Variants in HERC2 observed in about 807,000 individuals in gnomAD.
The protein encoded by HERC2 is HECT and RLD domain containing E3 ubiquitin protein ligase 2.
HERC2 carries 102 observed loss-of-function variants against 537.7 expected under a neutral mutation model. The observed-to-expected ratio is 0.19, with a 90% CI of 0.16 to 0.22. HERC2 has a LOEUF of 0.22. Among genes scored for constraint, HERC2 ranks in the 10% least tolerant of loss-of-function variants. HERC2 has a pLI of 1.00. For missense variants in HERC2, 4,236 were observed against 6,198.2 expected (o/e 0.68, Z 10.63); for synonymous variants, 2,224 against 2,466.2 (o/e 0.90, Z 2.91).
intron 2 of HERC2, among the ~76,000 whole-genome samples, chr15:28,319,174 A>T (rs984974304): frequency 6.6e-6 from 1 of 152,246 alleles, no homozygotes; most frequent in Non-Finnish European, 1.5e-5. Context: ...CTGGTGGAAC[A>T]TAAAACAAAG....
rs1338832847 is a variant in HERC2, at chr15:28,256,995, A to G, written c.2517+66T>C. 3.6e-6 allele frequency: 5 copies of G among 1,403,668 alleles called. No homozygotes were observed. The South Asian group carries it at 3.7e-5, about 10-fold the overall frequency. The allele number at this position is 1,403,668 out of a possible 1,614,324, so 87.0% of individuals were successfully genotyped here. A position where few individuals can be genotyped will look rare whatever the true frequency, so the allele number is the denominator to read the frequency against. On this transcript the variant is annotated intron_variant, in intron 17 of 92. Transcript: ENST00000261609. The stretch of plus-strand genomic sequence containing the variant: ...CTAAAACCCATGCCCTTCAAAATAC[A>G]TAAACCTTCTTACAAATCCCTAAGA...
Position 28,177,734 on chromosome 15 carries a change from GA to G in HERC2, c.9164-226del, listed in dbSNP as rs1895432708. ...AAACTACAAATTTTAACTCTAGAAA[GA>G]ATTTGCAAAGAGGCAAAATAATACT... On this transcript the variant is annotated intron_variant, in intron 59 of 92. Coordinates refer to ENST00000261609, the MANE Select transcript of HERC2 (RefSeq NM_004667.6). The surrounding 1 kb of genome is among the most constrained non-coding windows in gnomAD (Gnocchi z 5.0). Among the ~76,000 whole-genome samples, 1 of 152,102 alleles carries G rather than the reference GA, an allele frequency of 6.6e-6. No individual in the cohort carries two copies. Among genetic ancestry groups the G allele is most frequent in the South Asian group, 2.1e-4 (1 of 4,830 alleles).
intron 20 of HERC2, among the ~76,000 whole-genome samples, chr15:28,250,435 G>T (rs1904192364): frequency 6.6e-6 from 1 of 152,134 alleles, no homozygotes; most frequent in Non-Finnish European, 1.5e-5. Context: ...GCAAGAGACG[G>T]TAATACAATA....
chr15:28,167,337 A>G (rs1053173846), intron 68 of HERC2, among the ~76,000 whole-genome samples: 3 of 152,232 alleles, frequency 2.0e-5, no homozygotes, highest in African/African-American at 7.2e-5. Flanking sequence ...GAACTGAAGG[A>G]CTGTTCCACA....
chr15:28,172,377 T>C (rs991434433), intron 65 of HERC2, among the ~76,000 whole-genome samples: 3 of 152,192 alleles, frequency 2.0e-5, no homozygotes, highest in Admixed American at 2.0e-4. Context: ...TTCAGGTCTT[T>C]TATAAAGCTG....
In HERC2 at chr15:28,207,266, C is replaced by G. The variant is rs148744533; in HGVS notation, c.7070-884G>C. Among the ~76,000 whole-genome samples the G allele has an allele frequency of 3.9e-3, 592 of 152,160 alleles. 3 individuals are homozygous for G. The highest frequency in any genetic ancestry group is 6.2e-3 in the Non-Finnish European group (424 of 68,022). On this transcript the variant is annotated intron_variant, in intron 44 of 92. Transcript: ENST00000261609. ...TCTCCTGCATCAGCCTTCCCTGTAG[C>G]TGGGACTACAGGCACACGCCACCAC...
chr15:28,191,474 C>T (rs544898719), intron 53 of HERC2, among the ~76,000 whole-genome samples: 1 of 152,274 alleles, frequency 6.6e-6, no homozygotes, highest in African/African-American at 2.4e-5. Flanking sequence ...TCTATATACT[C>T]CTGGCCTAGG....
chr15:28,154,785 C>G lies in HERC2; in HGVS notation c.10747-1955G>C, dbSNP rs79476584. Among the ~76,000 whole-genome samples the G allele has an allele frequency of 1.1e-4, 16 of 152,142 alleles. No individual in the cohort carries two copies. In the East Asian group the frequency reaches 2.9e-3, roughly 28 times the overall value. On this transcript the variant is annotated intron_variant, in intron 69 of 92. Transcript: ENST00000261609. ...TTTATATATATATTTTTTTATTATA[C>G]TTTAAGTTCTAGGGTACATGTGCAC...
At chr15:28,286,063 C>A (rs1434018741) in intron 4 of HERC2, among the ~76,000 whole-genome samples, 1 of 151,818 alleles carries the variant, frequency 6.6e-6, no homozygotes, top group Non-Finnish European at 1.5e-5. Context: ...AATTACCAGA[C>A]CCAAATGAAC....
chr15:28,190,307 C>T (rs964474700), intron 55 of HERC2: 10 of 152,022 alleles, frequency 6.6e-5, no homozygotes, highest in African/African-American at 2.4e-4. Context: ...GCGTGAGCCA[C>T]CGCGCCCGGC....
rs754591672 is a variant in HERC2, at chr15:28,265,778, C to T, written c.1756+39G>A. The stretch of plus-strand genomic sequence containing the variant: ...GTTACTAAGTCCTGTAAGAGGCCAC[C>T]TCCTGCTGCATGCTCCCACTCATGC... On this transcript the variant is annotated intron_variant, in intron 13 of 92. Transcript: ENST00000261609. The surrounding 1 kb of genome is among the most constrained non-coding windows in gnomAD (Gnocchi z 4.0). 1 of 1,614,136 alleles carries T rather than the reference C, an allele frequency of 6.2e-7. No individual in the cohort carries two copies. The highest frequency in any genetic ancestry group is 8.5e-7 in the Non-Finnish European group (1 of 1,179,986).
At chr15:28,316,845 C>T (rs1204792044) in intron 2 of HERC2, among the ~76,000 whole-genome samples, 2 of 152,194 alleles carry the variant, frequency 1.3e-5, no homozygotes, top group African/African-American at 4.8e-5. Flanking sequence ...GGCGCGATCT[C>T]GGCTCACTAC....
intron 44 of HERC2, 125 bp downstream of exon 44, chr15:28,210,877 G>T (rs539400361): frequency 3.2e-4 from 306 of 964,890 alleles, no homozygotes; most frequent in Non-Finnish European, 4.8e-4. Flanking sequence ...TGCTGGGCAG[G>T]CCACATGTCT....
At position 28,167,744 on chromosome 15, in the gene HERC2, C is replaced by A. The variant is rs781431826; in HGVS notation, c.10497G>T (p.Val3499=). The A allele has an allele frequency of 1.2e-6, 2 of 1,614,166 alleles. No homozygotes were observed. The highest frequency in any genetic ancestry group is 2.2e-5 in the South Asian group (2 of 91,084). ...TGCTTGCGGCTCCCAGGTCATCCGT[C>A]ACTGGGATAAAAGGCCGAGCGGAGG... ...PSASARPFIP[V]TDDLGAASII... is the part of the protein sequence containing the mutation. Residue 3499 remains valine, a synonymous_variant, in exon 68 of 93, where the codon GTG becomes GTT. Coordinates refer to ENST00000261609, the MANE Select transcript of HERC2 (RefSeq NM_004667.6).
At chr15:28,305,178 G>C (rs1384492904) in intron 2 of HERC2, among the ~76,000 whole-genome samples, 1 of 145,702 alleles carries the variant, frequency 6.9e-6, no homozygotes, top group East Asian at 2.0e-4. Context: ...ATAAACATAC[G>C]TGTGCATGTG....
Position 28,174,533 on chromosome 15 carries a change from C to G in HERC2, c.9919G>C (p.Glu3307Gln). 6.2e-7 allele frequency: 1 copy of G among 1,614,012 alleles called. No individual in the cohort carries two copies. Among genetic ancestry groups the G allele is most frequent in the Non-Finnish European group, 8.5e-7 (1 of 1,179,886 alleles). The change falls in exon 65 of 93, where the codon GAA (glutamate) becomes CAA (glutamine). Residue 3307 changes from glutamate to glutamine, a missense_variant. Physicochemically the swap from Glu to Gln is conservative, Grantham distance 29. This residue lies in a region of HERC2 where 93 missense variants were observed against 265.1 expected (regional missense o/e 0.35). Transcript: ENST00000261609. Reference sequence around the variant, plus strand: ...GCCACGCGTGTGATCTTCTGGCCTTCTAAGCCTTGCACGAGTGTGGGCTTC... The same window carrying G: ...GCCACGCGTGTGATCTTCTGGCCTTGTAAGCCTTGCACGAGTGTGGGCTTC... ...NRKPTLVQGL[E>Q]GQKITRVACG...
At chr15:28,316,936 C>T (rs1314599640) in intron 2 of HERC2, among the ~76,000 whole-genome samples, 2 of 151,708 alleles carry the variant, frequency 1.3e-5, no homozygotes, top group African/African-American at 4.8e-5. Context: ...GCCACCACAC[C>T]CAGCTAATTT....
At position 28,280,194 on chromosome 15, in the gene HERC2, C is replaced by T. The variant is rs777222189; in HGVS notation, c.416G>A (p.Arg139Gln). 1.7e-5 allele frequency: 28 copies of T among 1,614,110 alleles called. No homozygotes were observed. Among genetic ancestry groups the T allele is most frequent in the Non-Finnish European group, 2.2e-5 (26 of 1,179,996 alleles). ...CAAGATCACCAGCCTCTGCTTGAGT[C>T]GCAGGGCTGAGAGGGTGGTGGTGGC... ...QSATTTLSAL[R>Q]LKQRLVILER... is the part of the protein sequence containing the mutation. The change falls in exon 5 of 93, where the codon CGA becomes CAA. Residue 139 changes from arginine (R) to glutamine (Q), a missense_variant. Around this residue, in one of 27 missense-constraint regions of HERC2, gnomAD observed 491 missense variants for 559.3 expected, o/e 0.88. Coordinates refer to ENST00000261609, the MANE Select transcript of HERC2 (RefSeq NM_004667.6).
rs749778346 is a variant in HERC2, at chr15:28,272,332, C to T, written c.966G>A (p.Gln322=). 2 of 1,612,122 alleles carry T rather than the reference C, an allele frequency of 1.2e-6. No individual in the cohort carries two copies. The highest frequency in any genetic ancestry group is 1.7e-6 in the Non-Finnish European group (2 of 1,179,064). ...GGGCGGAACGCTCATTGTCAGTCTC[C>T]TGTGCCCCGCTGTCCCACAGCTGAA... ...LLLQLWDSGA[Q]ETDNERSAQG... The change falls in exon 9 of 93, where the codon CAG becomes CAA. Residue 322 remains glutamine (Q), a synonymous_variant. Transcript: ENST00000261609.
Sources: allele counts gnomAD v4.1 joint callset (sites outside exome capture counted in the v4.1 genomes callset), GRCh38; gene constraint gnomAD v4.1.1; regional missense constraint gnomAD v4.1.1; non-coding constraint Gnocchi (gnomAD v3.1); transcripts MANE v1.5; gene names NCBI Gene and HGNC (gene_info 2026-07-23, HGNC 2026-07-21).